PCSK2: variants seen among roughly 807,000 people sequenced by gnomAD.
The protein encoded by PCSK2 is proprotein convertase subtilisin/kexin type 2, also known as neuroendocrine convertase 2.
Under a neutral mutation model 69.7 loss-of-function variants are expected in PCSK2, and 14 were observed. The observed-to-expected ratio is 0.20, with a 90% CI of 0.13 to 0.31. The LOEUF is 0.31. Among genes scored for constraint, PCSK2 ranks in the 10% least tolerant of loss-of-function variants. The pLI, the probability that PCSK2 is intolerant of heterozygous loss-of-function variation, is 1.00. For synonymous variants in PCSK2, 307 were observed against 320.7 expected (o/e 0.96, Z 0.46); for missense variants, 544 against 842.5 (o/e 0.65, Z 4.39).
rs1327375448 is a variant in PCSK2, at chr20:17,260,232, C to T, written c.178-8C>T. 1.3e-6 allele frequency: 2 copies of T among 1,590,744 alleles called. No individual in the cohort carries two copies. The highest frequency in any genetic ancestry group is 2.2e-5 in the East Asian group (1 of 44,752). On this transcript the variant is annotated splice_region_variant and splice_polypyrimidine_tract_variant and intron_variant, in intron 1 of 11. Transcript: ENST00000262545. ...TAACTATGCCTATGTCTACTTGACT[C>T]TCCACAGCTTCCCTTTGCTGAAGGT... is the stretch of plus-strand genomic sequence containing the variant.
chr20:17,411,899 G>C (rs150165014), intron 6 of PCSK2, among the ~76,000 whole-genome samples: 2 of 152,160 alleles, frequency 1.3e-5, no homozygotes, highest in Non-Finnish European at 2.9e-5. Context: ...AGGCAAACAG[G>C]GTCTGGAGTG....
At chr20:17,394,040 G>C (rs529924977) in intron 5 of PCSK2, among the ~76,000 whole-genome samples, 9 of 152,298 alleles carry the variant, frequency 5.9e-5, no homozygotes, top group Non-Finnish European at 1.0e-4. Context: ...ACATGTGTCT[G>C]TAGTCCCAAC....
At chr20:17,305,075 T>C (rs1483157920) in intron 2 of PCSK2, among the ~76,000 whole-genome samples, 1 of 152,194 alleles carries the variant, frequency 6.6e-6, no homozygotes, top group Non-Finnish European at 1.5e-5. Flanking sequence ...TGAGATTCAG[T>C]ACGTTCTAAG....
rs114034433 is a variant in PCSK2, at chr20:17,406,361, C to T, written c.544-2902C>T. Among the ~76,000 whole-genome samples the T allele has an allele frequency of 2.5e-3, 375 of 152,308 alleles. 2 individuals carry two copies. The highest frequency in any genetic ancestry group is 8.7e-3 in the African/African-American group (363 of 41,574). On this transcript the variant is annotated intron_variant, in intron 5 of 11. Coordinates refer to ENST00000262545, the MANE Select transcript of PCSK2 (RefSeq NM_002594.5). The stretch of plus-strand genomic sequence containing the variant: ...GCCAAACAAGAATAACAACTGTTTG[C>T]CTTCCTTAATGTTCAGTGTAGACTG...
At chr20:17,414,617 C>T (rs991431279) in intron 6 of PCSK2, among the ~76,000 whole-genome samples, 12 of 152,130 alleles carry the variant, frequency 7.9e-5, no homozygotes, top group East Asian at 1.9e-4. Context: ...CAAAGAGGAG[C>T]GGTTACCGTT....
intron 2 of PCSK2, among the ~76,000 whole-genome samples, chr20:17,271,891 A>G (rs1397873391): frequency 6.6e-6 from 1 of 152,086 alleles, no homozygotes; most frequent in South Asian, 2.1e-4. Context: ...CCTACTCTAC[A>G]ACACCCCAGG....
intron 5 of PCSK2, among the ~76,000 whole-genome samples, chr20:17,392,443 A>G (rs893392595): frequency 3.3e-5 from 5 of 152,230 alleles, no homozygotes; most frequent in African/African-American, 4.8e-5. Context: ...CTCTAGTCCA[A>G]TAGCCAATTG....
At chr20:17,317,997 C>G (rs1989741912) in intron 2 of PCSK2, among the ~76,000 whole-genome samples, 1 of 152,186 alleles carries the variant, frequency 6.6e-6, no homozygotes, top group African/African-American at 2.4e-5. Flanking sequence ...TACAGACAGT[C>G]TCTTAAAATG....
chr20:17,286,683 G>T (rs778905020), intron 2 of PCSK2, among the ~76,000 whole-genome samples: 32 of 152,078 alleles, frequency 2.1e-4, no homozygotes, highest in Non-Finnish European at 3.8e-4. Flanking sequence ...TCCTGGTTTG[G>T]TCAGGAATCC....
At chr20:17,372,282 G>A (rs1393251813) in intron 5 of PCSK2, among the ~76,000 whole-genome samples, 2 of 152,074 alleles carry the variant, frequency 1.3e-5, no homozygotes, top group African/African-American at 2.4e-5. Flanking sequence ...AGGAGGCTGA[G>A]GCAGGAGAAT....
intron 2 of PCSK2, among the ~76,000 whole-genome samples, chr20:17,341,399 A>G (rs1257925657): frequency 2.0e-5 from 3 of 152,206 alleles, no homozygotes; most frequent in African/African-American, 7.2e-5. Flanking sequence ...TGTGATTTAT[A>G]GCTCCCGAAG....
At chr20:17,347,684 A>G (rs1285472925) in intron 2 of PCSK2, among the ~76,000 whole-genome samples, 1 of 151,940 alleles carries the variant, frequency 6.6e-6, no homozygotes, top group East Asian at 1.9e-4. Flanking sequence ...GATGTTGATA[A>G]TAATGGGAAG....
At chr20:17,228,111 G>T (rs1237915629) in intron 1 of PCSK2, 2 of 152,244 alleles carry the variant, frequency 1.3e-5, no homozygotes, top group Non-Finnish European at 2.9e-5. Flanking sequence ...CCCCTGGAGC[G>T]CACTTCTGGT....
At chr20:17,266,961 A>G (rs140441291) in intron 2 of PCSK2, among the ~76,000 whole-genome samples, 113 of 152,282 alleles carry the variant, frequency 7.4e-4, no homozygotes, top group African/African-American at 2.6e-3. Flanking sequence ...TGGAGAGTGC[A>G]CCACAGTTTT....
intron 11 of PCSK2, among the ~76,000 whole-genome samples, chr20:17,471,879 G>A (rs182979235): frequency 1.3e-3 from 204 of 152,334 alleles, no homozygotes; most frequent in African/African-American, 4.6e-3. Flanking sequence ...CGTGGCAATC[G>A]CCACTCTCCA....
At chr20:17,286,661 T>C (rs1463298858) in intron 2 of PCSK2, among the ~76,000 whole-genome samples, 1 of 152,188 alleles carries the variant, frequency 6.6e-6, no homozygotes. Flanking sequence ...TTGGTAGACG[T>C]TTATATATAA....
At chr20:17,358,123 T>C (rs1255234779) in intron 2 of PCSK2, among the ~76,000 whole-genome samples, 1 of 141,700 alleles carries the variant, frequency 7.1e-6, no homozygotes, top group African/African-American at 2.6e-5. Context: ...CTGGGAAACA[T>C]AGCGAGACCC....
At chr20:17,479,119 C>G in intron 11 of PCSK2, 1 of 1,348,320 alleles carries the variant, frequency 7.4e-7, no homozygotes, top group African/African-American at 1.4e-5. Flanking sequence ...ATTGACAATA[C>G]AGTTCATGGT....
intron 11 of PCSK2, among the ~76,000 whole-genome samples, 173 bp from the exon 12 acceptor site, chr20:17,481,411 A>AGG (rs1379991893): frequency 9.2e-6 from 1 of 108,416 alleles, no homozygotes; most frequent in Non-Finnish European, 1.7e-5. Context: ...AAAAAAAAAA[A>AGG]AAAGAGATAA....
Sources: allele counts gnomAD v4.1 joint callset (sites outside exome capture counted in the v4.1 genomes callset), GRCh38; gene constraint gnomAD v4.1.1; transcripts MANE v1.5; gene names NCBI Gene and HGNC (gene_info 2026-07-23, HGNC 2026-07-21).